The following FTCDNL1 variants were observed in gnomAD, a reference collection of about 807,000 sequenced individuals.
The protein encoded by FTCDNL1 is formiminotransferase N-terminal subdomain-containing protein.
FTCDNL1 carries 11 observed loss-of-function variants against 5.9 expected under a neutral mutation model. The observed-to-expected ratio is 1.87, with a 90% CI of 1.18 to 3.10. The LOEUF (loss-of-function observed/expected upper bound fraction) is 3.10, where lower values mean the gene tolerates loss of function less well. FTCDNL1 is among the 30% of genes most tolerant of loss of function. The pLI, the probability that FTCDNL1 is intolerant of heterozygous loss-of-function variation, is 0.00. For missense variants in FTCDNL1, 115 were observed against 65.5 expected, an observed-to-expected ratio of 1.76 and a Z score of -2.61; for synonymous variants, 58 against 24.8, an observed-to-expected ratio of 2.34 and a Z score of -3.99.
At chr2:199,742,546 A>G in the FTCDNL1 span, among the ~76,000 whole-genome samples, 4 of 152,360 alleles carry the variant, frequency 2.6e-5, no homozygotes, top group East Asian at 7.7e-4. Context: ...TGATACTACT[A>G]CTAATAGCTC....
chr2:199,723,011 A>G, the FTCDNL1 span, among the ~76,000 whole-genome samples: 1 of 151,928 alleles, frequency 6.6e-6, no homozygotes, highest in Non-Finnish European at 1.5e-5. Flanking sequence ...GGTTTGTTAC[A>G]TAGGTAAATG....
chr2:199,694,690 T>C, the FTCDNL1 span, among the ~76,000 whole-genome samples: 1 of 152,052 alleles, frequency 6.6e-6, no homozygotes, highest in Non-Finnish European at 1.5e-5. Flanking sequence ...AAAAACTAGC[T>C]GGGCATTGTG....
chr2:199,762,340 T>C (rs958619981), intron 3 of FTCDNL1, among the ~76,000 whole-genome samples: 1 of 152,086 alleles, frequency 6.6e-6, no homozygotes, highest in African/African-American at 2.4e-5. Flanking sequence ...GATCTCACCA[T>C]TGCACTCCAG....
chr2:199,667,281 T>C, the FTCDNL1 span, among the ~76,000 whole-genome samples: 8 of 152,196 alleles, frequency 5.3e-5, no homozygotes, highest in African/African-American at 1.9e-4. Flanking sequence ...TTGAAAGGTC[T>C]AGGCATTGTG....
At chr2:199,829,310 T>C (rs1372591086) in intron 3 of FTCDNL1, among the ~76,000 whole-genome samples, 1 of 152,232 alleles carries the variant, frequency 6.6e-6, no homozygotes, top group Non-Finnish European at 1.5e-5. Flanking sequence ...AAATGCTTTT[T>C]AAAAATTTAT....
downstream of FTCDNL1, among the ~76,000 whole-genome samples, chr2:199,805,848 C>T (rs1271156504): frequency 2.0e-5 from 3 of 150,854 alleles, no homozygotes; most frequent in East Asian, 2.0e-4. Context: ...CAGCCTGGGA[C>T]GTCAAGGCTG....
intron 3 of FTCDNL1, among the ~76,000 whole-genome samples, chr2:199,785,956 T>C (rs528924560): frequency 2.0e-5 from 3 of 152,304 alleles, no homozygotes; most frequent in South Asian, 2.1e-4. Flanking sequence ...TAGATTCTCA[T>C]AGGAGCACAC....
the FTCDNL1 span, among the ~76,000 whole-genome samples, chr2:199,728,405 C>T: frequency 6.6e-6 from 1 of 152,024 alleles, no homozygotes; most frequent in Non-Finnish European, 1.5e-5. Flanking sequence ...CGCCACCATG[C>T]CTGGCTAATT....
intron 3 of FTCDNL1, among the ~76,000 whole-genome samples, chr2:199,828,177 T>C (rs1000506560): frequency 2.0e-5 from 3 of 152,186 alleles, no homozygotes; most frequent in African/African-American, 7.2e-5. Flanking sequence ...AAATCTCATA[T>C]TTAGTCAGAG....
chr2:199,717,493 A>G, the FTCDNL1 span, among the ~76,000 whole-genome samples: 1 of 132,846 alleles, frequency 7.5e-6, no homozygotes, highest in African/African-American at 2.8e-5. Context: ...GCAAATGCCC[A>G]CATTACAAGG....
At chr2:199,821,597 T>G (rs1701696282) in intron 3 of FTCDNL1, among the ~76,000 whole-genome samples, 1 of 152,054 alleles carries the variant, frequency 6.6e-6, no homozygotes, top group African/African-American at 2.4e-5. Context: ...CCAGAGTAGC[T>G]GGGATTACAG....
chr2:199,748,900 C>T, the FTCDNL1 span, among the ~76,000 whole-genome samples: 1 of 152,150 alleles, frequency 6.6e-6, no homozygotes, highest in Non-Finnish European at 1.5e-5. Context: ...CTGCCCCCTT[C>T]CTGCTCACCT....
At chr2:199,674,024 T>C in the FTCDNL1 span, among the ~76,000 whole-genome samples, 2 of 152,164 alleles carry the variant, frequency 1.3e-5, no homozygotes, top group Non-Finnish European at 1.5e-5. Context: ...ATAGTGCTAA[T>C]AGAAACGGCT....
chr2:199,721,416 C>T, the FTCDNL1 span, among the ~76,000 whole-genome samples: 43 of 152,246 alleles, frequency 2.8e-4, 1 homozygote, highest in East Asian at 7.9e-3. Context: ...TAATGGCTTC[C>T]AGGTCCATCC....
At chr2:199,795,466 T>A (rs1700127006) in intron 3 of FTCDNL1, among the ~76,000 whole-genome samples, 1 of 152,208 alleles carries the variant, frequency 6.6e-6, no homozygotes, top group Non-Finnish European at 1.5e-5. Flanking sequence ...TCTTTATATT[T>A]CTACATGGTA....
chr2:199,686,923 TA>T, the FTCDNL1 span, among the ~76,000 whole-genome samples: 2 of 152,326 alleles, frequency 1.3e-5, no homozygotes, highest in South Asian at 4.1e-4. Context: ...TAATTAGTAT[TA>T]AGAATCTGAC....
chr2:199,759,385 C>T (rs1698183731), downstream of FTCDNL1, among the ~76,000 whole-genome samples: 1 of 151,454 alleles, frequency 6.6e-6, no homozygotes. Context: ...AAGAGCACTC[C>T]CTGCGAGTTA....
At chr2:199,672,524 T>A in the FTCDNL1 span, among the ~76,000 whole-genome samples, 1 of 152,150 alleles carries the variant, frequency 6.6e-6, no homozygotes, top group Non-Finnish European at 1.5e-5. Context: ...TCTTTTAGAT[T>A]TCTGTGGCTC....
At position 199,764,464 on chromosome 2, in the gene FTCDNL1, A is replaced by G. The variant is rs1037934860; in HGVS notation, c.212-3629T>C. 2.6e-5 allele frequency among the ~76,000 whole-genome samples: 4 copies of G among 152,212 alleles called. No individual in the cohort carries two copies. In the South Asian group the frequency reaches 8.3e-4, roughly 32 times the overall value. On this transcript the variant is annotated intron_variant, in intron 3 of 3. Coordinates refer to the FTCDNL1 transcript ENST00000416668. ...CATGCTGCCACTTAGACTATCACCA[A>G]AGTCATATGCTGTGCTAATATTCGT...
Sources: allele counts gnomAD v4.1 joint callset (sites outside exome capture counted in the v4.1 genomes callset), GRCh38; gene constraint gnomAD v4.1.1; transcripts MANE v1.5; gene names NCBI Gene and HGNC (gene_info 2026-07-23, HGNC 2026-07-21).